The following DPP6 variants were observed in gnomAD, a reference collection of about 807,000 sequenced individuals.
DPP6 encodes A-type potassium channel modulatory protein DPP6.
Under a neutral mutation model 122.6 loss-of-function variants are expected in DPP6, and 69 were observed. The observed-to-expected ratio is 0.56, with a 90% CI of 0.46 to 0.69. DPP6 has a LOEUF of 0.69. Among genes scored for constraint, DPP6 ranks in the 30% least tolerant of loss-of-function variants. DPP6 has a pLI of 0.00. For synonymous variants in DPP6, 418 were observed against 433.1 expected, an observed-to-expected ratio of 0.97 and a Z score of 0.43; for missense variants, 928 against 1,116.9, an observed-to-expected ratio of 0.83 and a Z score of 2.41.
chr7:154,272,441 A>C (rs997720554), intron 1 of DPP6, among the ~76,000 whole-genome samples: 1 of 152,198 alleles, frequency 6.6e-6, no homozygotes, highest in Admixed American at 6.5e-5. Flanking sequence ...CACCGCCTGG[A>C]TGGAAATTAT....
intron 1 of DPP6, among the ~76,000 whole-genome samples, chr7:153,997,423 C>T (rs560309602): frequency 1.1e-3 from 172 of 152,088 alleles, no homozygotes; most frequent in African/African-American, 4.0e-3. Flanking sequence ...ATCTGGTGAA[C>T]GAGTAAATAA....
rs35709117 is a variant in DPP6, at chr7:154,241,230, T to G, written c.243+188167T>G. Among the ~76,000 whole-genome samples, 34,790 of 149,082 alleles carry G rather than the reference T, an allele frequency of 0.23. 4,433 individuals are homozygous for G. Among genetic ancestry groups the G allele is most frequent in the African/African-American group, 0.33 (13,436 of 40,288 alleles). ...GTGTGTGTGTGTGTGTATATATATA[T>G]AGAGAGAGAGAGAGACACTTTTATC... is the stretch of plus-strand genomic sequence containing the variant. On this transcript the variant is annotated intron_variant, in intron 1 of 25. Coordinates refer to ENST00000377770, the MANE Select transcript of DPP6 (RefSeq NM_130797.4). The surrounding 1 kb of genome is among the most constrained non-coding windows in gnomAD (Gnocchi z 9.0).
chr7:154,322,808 G>T (rs1808090883), intron 1 of DPP6, among the ~76,000 whole-genome samples: 1 of 152,184 alleles, frequency 6.6e-6, no homozygotes, highest in South Asian at 2.1e-4. Context: ...CCTTCAAGGT[G>T]TTTGAAACAT....
Position 154,346,661 on chromosome 7 carries a change from G to A in DPP6, c.244-99553G>A, listed in dbSNP as rs572597174. On this transcript the variant is annotated intron_variant, in intron 1 of 25. Coordinates refer to ENST00000377770, the MANE Select transcript of DPP6 (RefSeq NM_130797.4). ...CCTGTGTCTTGAGGGACTCTGAGTG[G>A]CATTACAGTGGAGTCACTTTGCCAT... Among the ~76,000 whole-genome samples the A allele has an allele frequency of 5.3e-5, 8 of 152,268 alleles. No homozygotes were observed. The South Asian group carries it at 1.5e-3, about 28-fold the overall frequency.
At chr7:154,523,938 T>G (rs1827204283) in intron 3 of DPP6, among the ~76,000 whole-genome samples, 1 of 152,226 alleles carries the variant, frequency 6.6e-6, no homozygotes. Context: ...CCAAATGAGG[T>G]TAGCATCCAT....
At chr7:154,453,618 C>G (rs2151302974) in intron 2 of DPP6, among the ~76,000 whole-genome samples, 1 of 151,406 alleles carries the variant, frequency 6.6e-6, no homozygotes, top group South Asian at 2.1e-4. Flanking sequence ...ATTTTAAAAC[C>G]AAACTTGATT....
At chr7:154,345,174 C>A (rs866645318) in intron 1 of DPP6, among the ~76,000 whole-genome samples, 4 of 152,038 alleles carry the variant, frequency 2.6e-5, no homozygotes, top group African/African-American at 2.4e-5. Flanking sequence ...CTGGTGAGGG[C>A]TCTCTTCTTG....
At chr7:154,190,400 A>AAGTATCT (rs950934642) in intron 1 of DPP6, among the ~76,000 whole-genome samples, 3 of 152,260 alleles carry the variant, frequency 2.0e-5, no homozygotes, top group African/African-American at 7.2e-5. Flanking sequence ...GATTTGAGAG[A>AAGTATCT]AGTATCTAGT....
In DPP6 at chr7:153,992,982, CT is replaced by C. The variant is rs1489259850; in HGVS notation, c.51+105249del. 2.0e-5 allele frequency among the ~76,000 whole-genome samples: 3 copies of C among 152,152 alleles called. No homozygotes were observed. The Middle Eastern group carries it at 0.01, about 518-fold the overall frequency. On this transcript the variant is annotated intron_variant, in intron 1 of 25. Transcript: ENST00000404039. ...AACTTGAAGTCATAGCTCTCTCCCC[CT>C]ACCTCCTCCTTCCCCGGTATACTTG...
At chr7:153,863,113 CAT>C in the DPP6 span, among the ~76,000 whole-genome samples, 1 of 152,096 alleles carries the variant, frequency 6.6e-6, no homozygotes, top group Non-Finnish European at 1.5e-5. Context: ...CATAGTTTTT[CAT>C]GTTTCTCTTA....
chr7:154,197,825 AT>A (rs1428417413), intron 1 of DPP6, among the ~76,000 whole-genome samples: 1 of 152,168 alleles, frequency 6.6e-6, no homozygotes, highest in Non-Finnish European at 1.5e-5. Flanking sequence ...AACCCACCTG[AT>A]CCTAACAGCA....
At chr7:153,764,320 G>C in the DPP6 span, among the ~76,000 whole-genome samples, 2 of 149,204 alleles carry the variant, frequency 1.3e-5, no homozygotes, top group African/African-American at 2.6e-5. Flanking sequence ...TTCTGCACTC[G>C]CTAGTCCTCC....
Position 154,683,972 on chromosome 7 carries a change from G to A in DPP6, c.762+14531G>A, listed in dbSNP as rs551496985. Reference sequence around the variant, plus strand: ...CAGCCTCAACCTCCTTGGCTCAAGCGATCCTCCCACCTCAGCCTCCTGAGT... The same window carrying A: ...CAGCCTCAACCTCCTTGGCTCAAGCAATCCTCCCACCTCAGCCTCCTGAGT... On this transcript the variant is annotated intron_variant, in intron 7 of 25. Transcript: ENST00000377770. 1.2e-4 allele frequency among the ~76,000 whole-genome samples: 19 copies of A among 152,244 alleles called. No homozygotes were observed. In the East Asian group the frequency reaches 1.7e-3, roughly 14 times the overall value.
At chr7:154,519,446 A>T (rs1826795165) in intron 3 of DPP6, among the ~76,000 whole-genome samples, 1 of 152,204 alleles carries the variant, frequency 6.6e-6, no homozygotes. Context: ...CACATGCCAG[A>T]TCTTCTCAGA....
intron 1 of DPP6, among the ~76,000 whole-genome samples, chr7:154,293,315 C>T (rs534940604): frequency 1.5e-4 from 23 of 152,230 alleles, no homozygotes; most frequent in African/African-American, 5.5e-4. Flanking sequence ...CCTCCTTTTT[C>T]GTCCTTGCTC....
intron 1 of DPP6, among the ~76,000 whole-genome samples, chr7:154,117,300 G>A (rs547547687): frequency 6.6e-6 from 1 of 152,270 alleles, no homozygotes; most frequent in South Asian, 2.1e-4. Flanking sequence ...TACCTTCAAA[G>A]TCTGAGCAAA....
At chr7:153,786,000 C>G in the DPP6 span, among the ~76,000 whole-genome samples, 5 of 150,672 alleles carry the variant, frequency 3.3e-5, no homozygotes, top group Non-Finnish European at 7.4e-5. Context: ...TTTGTTATTT[C>G]AAATGTAATA....
At chr7:154,864,057 A>C (rs1803649170) in intron 17 of DPP6, among the ~76,000 whole-genome samples, 1 of 152,150 alleles carries the variant, frequency 6.6e-6, no homozygotes, top group African/African-American at 2.4e-5. Flanking sequence ...AGAGGCCTGG[A>C]CTAGAAAGGC....
At chr7:154,776,382 C>T (rs1363135189) in intron 10 of DPP6, among the ~76,000 whole-genome samples, 1 of 152,170 alleles carries the variant, frequency 6.6e-6, no homozygotes, top group Non-Finnish European at 1.5e-5. Flanking sequence ...AGCTCCTCCC[C>T]ACTTAGGTCC....
Sources: gnomAD v4.1 joint callset for allele counts (sites outside exome capture counted in the v4.1 genomes callset) on GRCh38, gnomAD v4.1.1 for gene constraint, Gnocchi (gnomAD v3.1) non-coding constraint, MANE v1.5 for transcripts, NCBI Gene and HGNC (gene_info 2026-07-23, HGNC 2026-07-21) for gene names.